The following FAM199X variants were observed in gnomAD, a reference collection of about 807,000 sequenced individuals.
FAM199X encodes the protein family with sequence similarity 199, X-linked, also known as protein FAM199X.
In FAM199X, 4 loss-of-function variants were observed where a neutral mutation model predicts 22.9. That is an observed-to-expected ratio of 0.17 (90% CI 0.09 to 0.40). The LOEUF is 0.40. Among genes scored for constraint, FAM199X ranks in the 10% least tolerant of loss-of-function variants. FAM199X has a pLI of 1.00. For missense variants in FAM199X, 183 were observed against 306.8 expected (o/e 0.60, Z 3.01); for synonymous variants, 101 against 112.3 (o/e 0.90, Z 0.64).
intron 1 of FAM199X, among the ~76,000 whole-genome samples, chrX:104,168,870 A>G (rs1602513486): frequency 1.2e-5 from 1 of 82,331 alleles, no homozygotes; most frequent in South Asian, 5.6e-4. Flanking sequence ...TTTCCTAGTT[A>G]CTGCTTGCTT....
chrX:104,167,071 C>A, intron 1 of FAM199X, 89 bp downstream of exon 1: 2 of 840,981 alleles, frequency 2.4e-6, no homozygotes, highest in South Asian at 6.1e-5. Context: ...CGCTTCCAGT[C>A]GCCCCCTCCC....
the FAM199X span, among the ~76,000 whole-genome samples, chrX:104,158,188 C>T: frequency 7.2e-5 from 8 of 111,685 alleles, no homozygotes; most frequent in African/African-American, 2.6e-4. Context: ...CTCTCTCTCC[C>T]CCAACTCCCC....
At chrX:104,181,797 T>TG (rs1347919883) in intron 2 of FAM199X, among the ~76,000 whole-genome samples, 2 of 110,724 alleles carry the variant, frequency 1.8e-5, no homozygotes, top group African/African-American at 3.3e-5. Flanking sequence ...ATGAGGATGT[T>TG]GGACTAGAAG....
intron 1 of FAM199X, among the ~76,000 whole-genome samples, chrX:104,169,319 CAA>C (rs1921294473): frequency 8.9e-6 from 1 of 112,207 alleles, no homozygotes; most frequent in South Asian, 3.6e-4. Flanking sequence ...GATTGTAAAA[CAA>C]ATTTTCATTG....
chrX:104,182,138 G>A (rs1281226386), intron 2 of FAM199X, among the ~76,000 whole-genome samples: 4 of 108,133 alleles, frequency 3.7e-5, no homozygotes, highest in Non-Finnish European at 7.7e-5. Flanking sequence ...ACAGGTGCAC[G>A]CCACCACACC....
In FAM199X at chrX:104,195,900, A is replaced by T. The variant is rs961557398; in HGVS notation, c.*6122A>T. ...ATAAATGTGAGTTAGATACTAAGTG[A>T]AATGTGCGTGTGTGTGTTTCTTCTC... On this transcript the variant is annotated 3_prime_UTR_variant, in exon 6 of 6. Coordinates refer to ENST00000493442, the MANE Select transcript of FAM199X (RefSeq NM_207318.4). 3 of 108,776 alleles carry T rather than the reference A, an allele frequency of 2.8e-5. No individual in the cohort carries two copies. The highest frequency in any genetic ancestry group is 5.8e-5 in the Non-Finnish European group (3 of 52,094). 9.0% of individuals were successfully genotyped at this position (108,776 alleles called of 1,213,427 possible). A position where few individuals can be genotyped will look rare whatever the true frequency, so the allele number is the denominator to read the frequency against.
rs782783966 is a variant in FAM199X, at chrX:104,190,105, C to G, written c.*327C>G. Reference sequence around the variant, plus strand: ...CCACTACTTTGGGTAAACGTTTTGACTGTTTAAAGTTTATGGCGGTGAAGT... The same window carrying G: ...CCACTACTTTGGGTAAACGTTTTGAGTGTTTAAAGTTTATGGCGGTGAAGT... On this transcript the variant is annotated 3_prime_UTR_variant, in exon 6 of 6. Coordinates refer to ENST00000493442, the MANE Select transcript of FAM199X (RefSeq NM_207318.4). The G allele has an allele frequency of 1.3e-4, 24 of 184,644 alleles. No homozygotes were observed. The East Asian group carries it at 3.1e-3, about 24-fold the overall frequency. The allele number at this position is 184,644 out of a possible 1,213,427, so 15.2% of individuals were successfully genotyped here.
Position 104,166,994 on chromosome X carries a change from A to C in FAM199X, c.197+12A>C, listed in dbSNP as rs1556374136. On this transcript the variant is annotated intron_variant, in intron 1 of 5. Coordinates refer to ENST00000493442, the MANE Select transcript of FAM199X (RefSeq NM_207318.4). The stretch of plus-strand genomic sequence containing the variant: ...TTCCACACCAACAGGTACGAACTGC[A>C]CCTGAGGGCAGGGGTGGATTTTCCA... 9.0e-7 allele frequency: 1 copy of C among 1,112,919 alleles called. No individual in the cohort carries two copies. Among genetic ancestry groups the C allele is most frequent in the Admixed American group, 2.8e-5 (1 of 35,424 alleles). 91.7% of individuals were successfully genotyped at this position (1,112,919 alleles called of 1,213,427 possible).
In FAM199X at chrX:104,166,983, G is replaced by A; in HGVS notation, c.197+1G>A. ...CGCTCCACCGCTTCCACACCAACAG[G>A]TACGAACTGCACCTGAGGGCAGGGG... On this transcript the variant is annotated splice_donor_variant, in intron 1 of 5. Transcript: ENST00000493442. LOFTEE classifies it high-confidence loss of function. 8.7e-7 allele frequency: 1 copy of A among 1,144,622 alleles called. No individual in the cohort carries two copies. Among genetic ancestry groups the A allele is most frequent in the African/African-American group, 1.8e-5 (1 of 54,806 alleles). 94.3% of individuals were successfully genotyped at this position (1,144,622 alleles called of 1,213,427 possible).
chrX:104,187,899 C>A, intron 4 of FAM199X, 141 bp from the exon 5 acceptor site: 1 of 662,842 alleles, frequency 1.5e-6, no homozygotes, highest in Non-Finnish European at 2.3e-6. Context: ...CTAAATTTAG[C>A]CTTTCTATTC....
chrX:104,173,979 A>G (rs1231295902), intron 1 of FAM199X, among the ~76,000 whole-genome samples: 2 of 112,324 alleles, frequency 1.8e-5, no homozygotes, highest in Non-Finnish European at 3.8e-5. Context: ...AAAACTTGAT[A>G]TAAAAATGTT....
chrX:104,182,436 T>A (rs879952503), intron 2 of FAM199X, among the ~76,000 whole-genome samples: 1 of 111,446 alleles, frequency 9.0e-6, no homozygotes, highest in Admixed American at 9.6e-5. Flanking sequence ...TTTTAGCTGA[T>A]CTTCCCTAAA....
At chrX:104,182,398 CCTCA>C (rs1190342037) in intron 2 of FAM199X, among the ~76,000 whole-genome samples, 1 of 111,268 alleles carries the variant, frequency 9.0e-6, no homozygotes, top group Non-Finnish European at 1.9e-5. Context: ...TCCAATCTTT[CCTCA>C]CTCTATTTTG....
At chrX:104,159,314 A>G in the FAM199X span, among the ~76,000 whole-genome samples, 3 of 112,310 alleles carry the variant, frequency 2.7e-5, no homozygotes, top group South Asian at 3.7e-4. Context: ...CCATATCCCC[A>G]TTCCAGAGAC....
intron 2 of FAM199X, among the ~76,000 whole-genome samples, chrX:104,184,075 T>C (rs1921733575): frequency 8.9e-6 from 1 of 112,430 alleles, no homozygotes; most frequent in African/African-American, 3.2e-5. Flanking sequence ...GATATTTCCA[T>C]TGATGACCTG....
rs1320109458 is a variant in FAM199X at position 104,193,465 on chromosome X, G to A, written c.*3687G>A. 6.3e-5 allele frequency: 7 copies of A among 111,974 alleles called. No homozygotes were observed. The highest frequency in any genetic ancestry group is 2.3e-4 in the African/African-American group (7 of 30,916). The allele number at this position is 111,974 out of a possible 1,213,427, so 9.2% of individuals were successfully genotyped here. ...AAGGACAGAGATTATGTAGCAAGTT[G>A]ATTCTCTAGGAATTCTTTGAACTCA... On this transcript the variant is annotated 3_prime_UTR_variant, in exon 6 of 6. Transcript: ENST00000493442.
rs1556381456 is a variant in FAM199X at position 104,195,556 on chromosome X, T to A, written c.*5778T>A. ...CTAATTTTTTTTGACAAAAAATAGA[T>A]CTATTTTCCTTATATATTGATTTAG... On this transcript the variant is annotated 3_prime_UTR_variant, in exon 6 of 6. Coordinates refer to ENST00000493442, the MANE Select transcript of FAM199X (RefSeq NM_207318.4). 1 of 111,393 alleles carries A rather than the reference T, an allele frequency of 9.0e-6. No homozygotes were observed. The highest frequency in any genetic ancestry group is 3.3e-5 in the African/African-American group (1 of 30,691). 9.2% of individuals were successfully genotyped at this position (111,393 alleles called of 1,213,427 possible).
chrX:104,172,738 G>T (rs1556375643), intron 1 of FAM199X, among the ~76,000 whole-genome samples: 1 of 107,932 alleles, frequency 9.3e-6, no homozygotes, highest in Non-Finnish European at 1.9e-5. Flanking sequence ...CTCATGGAGA[G>T]AAACACATTT....
intron 2 of FAM199X, among the ~76,000 whole-genome samples, chrX:104,180,974 CT>C (rs1268701379): frequency 2.7e-5 from 3 of 112,086 alleles, no homozygotes; most frequent in African/African-American, 9.7e-5. Flanking sequence ...TTGCATTTTG[CT>C]TTGCTGATAA....
Sources: allele counts gnomAD v4.1 joint callset (sites outside exome capture counted in the v4.1 genomes callset), GRCh38; gene constraint gnomAD v4.1.1; transcripts MANE v1.5; gene names NCBI Gene and HGNC (gene_info 2026-07-23, HGNC 2026-07-21).